SPAG16: variants seen among roughly 807,000 people sequenced by gnomAD.
The protein encoded by SPAG16 is sperm associated antigen 16, also known as sperm-associated antigen 16 protein.
Under a neutral mutation model 80.4 loss-of-function variants are expected in SPAG16, and 86 were observed. The observed-to-expected ratio is 1.07, with a 90% CI of 0.90 to 1.28. The LOEUF (loss-of-function observed/expected upper bound fraction) is 1.28, where lower values mean the gene tolerates loss of function less well. Ranked by LOEUF, SPAG16 falls within the 50% of genes most tolerant of loss-of-function variation. The pLI is 0.00. For missense variants in SPAG16, 870 were observed against 765.3 expected, an observed-to-expected ratio of 1.14 and a Z score of -1.61; for synonymous variants, 294 against 265.9, an observed-to-expected ratio of 1.11 and a Z score of -1.03.
chr2:214,167,943 TTTTTC>T (rs1274748867), intron 15 of SPAG16, among the ~76,000 whole-genome samples: 3 of 151,298 alleles, frequency 2.0e-5, no homozygotes, highest in African/African-American at 7.3e-5. Flanking sequence ...AATTCCTTAA[TTTTTC>T]TTTTCTTTTT....
chr2:213,340,972 T>C (rs949806980), intron 6 of SPAG16, among the ~76,000 whole-genome samples: 1 of 152,178 alleles, frequency 6.6e-6, no homozygotes, highest in Non-Finnish European at 1.5e-5. Flanking sequence ...CCCCTAACCA[T>C]TTATATTTAA....
At chr2:213,289,194 T>G (rs2062173541) in intron 1 of SPAG16, among the ~76,000 whole-genome samples, 1 of 152,214 alleles carries the variant, frequency 6.6e-6, no homozygotes, top group Non-Finnish European at 1.5e-5. Context: ...GTAATTGAAG[T>G]AGCAAGGCTG....
intron 10 of SPAG16, among the ~76,000 whole-genome samples, chr2:213,765,671 C>T (rs1296454399): frequency 6.6e-6 from 1 of 152,110 alleles, no homozygotes; most frequent in African/African-American, 2.4e-5. Context: ...TCTTCTTCCT[C>T]CAACCTTGTT....
At chr2:213,817,664 G>GA (rs2072641704) in intron 10 of SPAG16, among the ~76,000 whole-genome samples, 1 of 152,084 alleles carries the variant, frequency 6.6e-6, no homozygotes, top group South Asian at 2.1e-4. Flanking sequence ...GAAAAAGAAT[G>GA]AAATCGTGTC....
At chr2:213,445,607 G>A (rs115390131) in intron 9 of SPAG16, among the ~76,000 whole-genome samples, 2,939 of 152,062 alleles carry the variant, frequency 0.019, 99 homozygotes, top group African/African-American at 0.066. Context: ...TGGAGGTTGC[G>A]GTGAGCCAAA....
At chr2:213,899,559 T>C (rs1237118345) in intron 11 of SPAG16, among the ~76,000 whole-genome samples, 3 of 152,138 alleles carry the variant, frequency 2.0e-5, no homozygotes, top group Admixed American at 2.0e-4. Context: ...AATTCTGTGA[T>C]ACATGACACA....
intron 15 of SPAG16, among the ~76,000 whole-genome samples, chr2:214,275,583 T>C (rs1692403676): frequency 6.6e-6 from 1 of 152,230 alleles, no homozygotes; most frequent in Admixed American, 6.5e-5. Context: ...GTTGTTCAGT[T>C]TCCATGTAGT....
chr2:214,022,415 C>G, intron 13 of SPAG16, among the ~76,000 whole-genome samples: 1 of 152,116 alleles, frequency 6.6e-6, no homozygotes, highest in African/African-American at 2.4e-5. Flanking sequence ...AATATTTTTC[C>G]CACAATTTCC....
intron 12 of SPAG16, among the ~76,000 whole-genome samples, chr2:213,950,317 A>C (rs766942554): frequency 2.6e-5 from 4 of 152,210 alleles, no homozygotes; most frequent in East Asian, 1.9e-4. Context: ...TGGAAAAAAA[A>C]CCTCAAACTT....
At chr2:213,937,891 A>G (rs949976314) in intron 12 of SPAG16, among the ~76,000 whole-genome samples, 1 of 152,126 alleles carries the variant, frequency 6.6e-6, no homozygotes, top group African/African-American at 2.4e-5. Context: ...ACATGGATCA[A>G]TAATAAAAAA....
chr2:213,525,298 T>C (rs2075846993), intron 10 of SPAG16, among the ~76,000 whole-genome samples: 1 of 144,700 alleles, frequency 6.9e-6, no homozygotes, highest in South Asian at 2.3e-4. Context: ...TTTTTTTTTT[T>C]TTTTTTTTGA....
At chr2:213,359,071 C>G (rs6733457) in intron 7 of SPAG16, among the ~76,000 whole-genome samples, 148,373 of 152,312 alleles carry the variant, frequency 0.97, 72,378 homozygotes, top group East Asian at 1. Flanking sequence ...GTTTGCCTCG[C>G]TATCACCAGC....
intron 15 of SPAG16, among the ~76,000 whole-genome samples, chr2:214,195,625 C>T (rs569073549): frequency 1.3e-5 from 2 of 151,976 alleles, no homozygotes; most frequent in East Asian, 3.9e-4. Flanking sequence ...GACTTGACCC[C>T]CTTGGCTTTC....
chr2:213,520,019 A>G (rs1193249298), intron 10 of SPAG16, among the ~76,000 whole-genome samples: 1 of 151,746 alleles, frequency 6.6e-6, no homozygotes, highest in Non-Finnish European at 1.5e-5. Flanking sequence ...ACACATATGC[A>G]TGTGCGTGCA....
At chr2:213,561,774 C>G (rs1390247108) in intron 10 of SPAG16, among the ~76,000 whole-genome samples, 1 of 151,986 alleles carries the variant, frequency 6.6e-6, no homozygotes, top group South Asian at 2.1e-4. Context: ...TTATTTTTAT[C>G]AAAAAATGCC....
intron 10 of SPAG16, among the ~76,000 whole-genome samples, chr2:213,601,440 A>G (rs972507409): frequency 1.2e-4 from 19 of 152,210 alleles, no homozygotes; most frequent in African/African-American, 4.6e-4. Context: ...CGTGTTCATC[A>G]TAAATTTAGA....
At chr2:213,372,358 A>G (rs1045760651) in intron 8 of SPAG16, among the ~76,000 whole-genome samples, 1 of 152,090 alleles carries the variant, frequency 6.6e-6, no homozygotes, top group African/African-American at 2.4e-5. Context: ...TGAAGTGAAA[A>G]ATTGTGAAAG....
intron 5 of SPAG16, among the ~76,000 whole-genome samples, chr2:213,335,257 T>C (rs140060401): frequency 1.3e-5 from 2 of 152,294 alleles, no homozygotes; most frequent in African/African-American, 2.4e-5. Context: ...ATAATGAACT[T>C]GAGAAAATTA....
intron 9 of SPAG16, among the ~76,000 whole-genome samples, chr2:213,412,052 C>T (rs926690798): frequency 2.6e-5 from 4 of 151,986 alleles, no homozygotes; most frequent in South Asian, 2.1e-4. Context: ...CAACCTTTTT[C>T]GTTTCCCTGA....
Sources: gnomAD v4.1 joint callset for allele counts (sites outside exome capture counted in the v4.1 genomes callset) on GRCh38, gnomAD v4.1.1 for gene constraint, MANE v1.5 for transcripts, NCBI Gene and HGNC (gene_info 2026-07-23, HGNC 2026-07-21) for gene names.